KRI1: variants seen among roughly 807,000 people sequenced by gnomAD.
The protein encoded by KRI1 is protein KRI1 homolog.
In KRI1, 83 loss-of-function variants were observed where a neutral mutation model predicts 97.0. The observed-to-expected ratio is 0.86, with a 90% confidence interval of 0.72 to 1.03. The LOEUF (loss-of-function observed/expected upper bound fraction) is 1.03, where lower values mean the gene tolerates loss of function less well. Among genes scored for constraint, KRI1 ranks in the 50% least tolerant of loss-of-function variants. The probability of loss-of-function intolerance (pLI) is 0.00; values close to 1 mark genes in which losing one functional copy is unlikely to be tolerated. For missense variants in KRI1, 916 were observed against 928.4 expected (o/e 0.99, Z 0.17); for synonymous variants, 371 against 363.5 (o/e 1.02, Z -0.23).
chr19:10,565,811 G>GCA (rs570294642), intron 1 of KRI1, 21 bp from the exon 2 acceptor site: 2 of 1,522,912 alleles, frequency 1.3e-6, no homozygotes, highest in Non-Finnish European at 1.8e-6. Flanking sequence ...CAGACGGGAT[G>GCA]CCCCCCCCCA....
At position 10,565,325 on chromosome 19, in the gene KRI1, C is replaced by G. The variant is rs1172556885; in HGVS notation, c.169-291G>C. 5 of 540,868 alleles carry G rather than the reference C, an allele frequency of 9.2e-6. No individual in the cohort carries two copies. In the East Asian group the frequency reaches 1.3e-4, roughly 14 times the overall value. 33.5% of individuals were successfully genotyped at this position (540,868 alleles called of 1,614,324 possible). A position where few individuals can be genotyped will look rare whatever the true frequency, so the allele number is the denominator to read the frequency against. Reference sequence around the variant, plus strand: ...AGGTGGGCTGAGGGCACAAGAGAGACAGCGGGGAGGGGCTGGGCCAGGCCG... The same window carrying G: ...AGGTGGGCTGAGGGCACAAGAGAGAGAGCGGGGAGGGGCTGGGCCAGGCCG... On this transcript the variant is annotated intron_variant, in intron 2 of 18. Coordinates refer to ENST00000312962, the MANE Select transcript of KRI1 (RefSeq NM_023008.5).
chr19:10,560,128 T>G (rs1450095819), intron 9 of KRI1, among the ~76,000 whole-genome samples, 184 bp downstream of exon 9: 2 of 152,202 alleles, frequency 1.3e-5, no homozygotes, highest in African/African-American at 4.8e-5. Flanking sequence ...GAACCAGGAT[T>G]TGAGGCAGTG....
In KRI1 at chr19:10,561,749, C is replaced by A. The variant is rs747195478; in HGVS notation, c.439-33G>T. On this transcript the variant is annotated intron_variant, in intron 5 of 18. Transcript: ENST00000312962. Reference sequence around the variant, plus strand: ...GAGGGCCATAGGTCTCAGGCCAGCCCCAGGCCCCTCAGCCCCCCGACCCAG... The same window carrying A: ...GAGGGCCATAGGTCTCAGGCCAGCCACAGGCCCCTCAGCCCCCCGACCCAG... 1.2e-5 allele frequency: 20 copies of A among 1,613,964 alleles called. No individual in the cohort carries two copies. The East Asian group carries it at 3.8e-4, about 31-fold the overall frequency.
intron 18 of KRI1, among the ~76,000 whole-genome samples, chr19:10,554,758 G>C (rs753247399): frequency 6.6e-6 from 1 of 152,116 alleles, no homozygotes; most frequent in African/African-American, 2.4e-5. Flanking sequence ...CTGCCTTCTA[G>C]ACTGGGCGAA....
In KRI1 at chr19:10,553,117, G is replaced by A; in HGVS notation, c.*834C>T. 1 of 1,515,468 alleles carries A rather than the reference G, an allele frequency of 6.6e-7. No homozygotes were observed. The highest frequency in any genetic ancestry group is 8.8e-7 in the Non-Finnish European group (1 of 1,132,722). 93.9% of individuals were successfully genotyped at this position (1,515,468 alleles called of 1,614,324 possible). ...CAACACTATTTATTTTTTTATTTATGTCATGTCGGGTGTGGGATCTTGAGC... is the reference window on the plus strand; with the variant it reads ...CAACACTATTTATTTTTTTATTTATATCATGTCGGGTGTGGGATCTTGAGC... On this transcript the variant is annotated 3_prime_UTR_variant, in exon 19 of 19. Transcript: ENST00000312962.
chr19:10,554,302 C>A (rs1367682191), intron 18 of KRI1, 21 bp from the exon 19 acceptor site: 5 of 1,603,284 alleles, frequency 3.1e-6, no homozygotes, highest in Non-Finnish European at 4.3e-6. Flanking sequence ...AAAGTCAGGG[C>A]TCAGCCCAGG....
At chr19:10,557,217 G>A (rs1916528843) in intron 16 of KRI1, among the ~76,000 whole-genome samples, 1 of 148,466 alleles carries the variant, frequency 6.7e-6, no homozygotes, top group Non-Finnish European at 1.5e-5. Flanking sequence ...CGATTCTCCT[G>A]CCTCAGCCTC....
intron 18 of KRI1, 42 bp downstream of exon 18, chr19:10,555,045 G>T: frequency 1.3e-6 from 2 of 1,528,476 alleles, no homozygotes; most frequent in South Asian, 2.3e-5. Flanking sequence ...GCCTGGGCCT[G>T]ACAGGCTCCC....
chr19:10,556,601 A>G (rs1916506340), intron 16 of KRI1, among the ~76,000 whole-genome samples: 1 of 150,776 alleles, frequency 6.6e-6, no homozygotes, highest in Non-Finnish European at 1.5e-5. Context: ...TGGGAGGCGG[A>G]GTTTGCAGTG....
chr19:10,561,827 C>T lies in KRI1; in HGVS notation c.402G>A (p.Glu134=), dbSNP rs958218261. 1.2e-6 allele frequency: 2 copies of T among 1,613,964 alleles called. No homozygotes were observed. The change falls in exon 5 of 19, where the codon GAG becomes GAA. Residue 134 remains glutamate, a synonymous_variant. Transcript: ENST00000312962. ...LEKAGKYVDE[E]NSDGETSNHR... is the part of the protein sequence containing the mutation. ...GATTGGAAGTCTCCCCGTCTGAGTT[C>T]TCCTCATCAACATATTTGCTGTAAA...
intron 4 of KRI1, 54 bp from the exon 5 acceptor site, chr19:10,561,899 C>G: frequency 6.5e-7 from 1 of 1,531,088 alleles, no homozygotes; most frequent in Non-Finnish European, 9.0e-7. Flanking sequence ...CCGCCTGTCC[C>G]CATGCCCATG....
chr19:10,558,579 G>T (rs973060727), intron 12 of KRI1, among the ~76,000 whole-genome samples: 1 of 151,252 alleles, frequency 6.6e-6, no homozygotes, highest in African/African-American at 2.4e-5. Context: ...TTTCGCTCTT[G>T]TTGCCCAAGC....
Position 10,553,128 on chromosome 19 carries a change from TG to T in KRI1, c.*822del. ...ATTTTTTTATTTATGTCATGTCGGG[TG>T]TGGGATCTTGAGCTCTGGCAGTGAT... On this transcript the variant is annotated 3_prime_UTR_variant, in exon 19 of 19. Transcript: ENST00000312962. 6.7e-7 allele frequency: 1 copy of T among 1,492,024 alleles called. No individual in the cohort carries two copies. The highest frequency in any genetic ancestry group is 8.9e-7 in the Non-Finnish European group (1 of 1,120,828). 92.4% of individuals were successfully genotyped at this position (1,492,024 alleles called of 1,614,324 possible). A position where few individuals can be genotyped will look rare whatever the true frequency, so the allele number is the denominator to read the frequency against.
chr19:10,557,806 G>A lies in KRI1; in HGVS notation c.1449C>T (p.Ala483=), dbSNP rs374027467. 161 of 1,613,262 alleles carry A rather than the reference G, an allele frequency of 1.0e-4. 1 individual carries two copies. The highest frequency in any genetic ancestry group is 1.2e-4 in the Non-Finnish European group (143 of 1,179,932). The change falls in exon 15 of 19, where the codon GCC becomes GCT. Residue 483 remains alanine (A), a synonymous_variant. Coordinates refer to ENST00000312962, the MANE Select transcript of KRI1 (RefSeq NM_023008.5). ...CGGGCTTCTCCTGCCCCACGGCCGC[G>A]GCGAAGGGCGACTTGCGCTTCTTCT... ...TGKKKRKSPF[A]AAVGQEKPVF...
At chr19:10,565,332 G>A in intron 2 of KRI1, 1 of 539,992 alleles carries the variant, frequency 1.9e-6, no homozygotes, top group Admixed American at 3.5e-5. Context: ...AGACAGCGGG[G>A]AGGGGCTGGG....
chr19:10,562,833 C>G lies in KRI1; in HGVS notation c.279G>C (p.Ser93=), dbSNP rs774779450. 3.7e-6 allele frequency: 6 copies of G among 1,605,222 alleles called. No homozygotes were observed. The South Asian group carries it at 5.5e-5, about 15-fold the overall frequency. The part of the protein sequence containing the change: ...KDATFYNRTA[S]SSDSEEDPEA... Reference sequence around the variant, plus strand: ...CTGGGTCCTCCTCACTGTCTGATGACGATGCTGTTAACCCACCAAAGACAC... The same window carrying G: ...CTGGGTCCTCCTCACTGTCTGATGAGGATGCTGTTAACCCACCAAAGACAC... Residue 93 remains serine, a synonymous_variant, in exon 4 of 19, where the codon TCG becomes TCC. Coordinates refer to ENST00000312962, the MANE Select transcript of KRI1 (RefSeq NM_023008.5).
intron 3 of KRI1, among the ~76,000 whole-genome samples, chr19:10,564,224 G>A (rs1916788575): frequency 6.6e-6 from 1 of 151,992 alleles, no homozygotes; most frequent in Admixed American, 6.6e-5. Context: ...ACTTTGGGAG[G>A]CCAGGGTGGG....
At position 10,557,979 on chromosome 19, in the gene KRI1, T is replaced by G. The variant is rs779469057; in HGVS notation, c.1352A>C (p.Asn451Thr). ...SQQELHCEDP[N>T]FNMDADYDPS... ...TCAACCCGTGATACCTACGTTGAAG[T>G]TGGGGTCCTCACAGTGCAGCTCCTG... The change falls in exon 14 of 19, where the codon AAC becomes ACC. Residue 451 changes from asparagine (N) to threonine (T), a missense_variant. Physicochemically the swap from Asn to Thr is moderately conservative, Grantham distance 65. Coordinates refer to ENST00000312962, the MANE Select transcript of KRI1 (RefSeq NM_023008.5). 1.2e-6 allele frequency: 2 copies of G among 1,614,064 alleles called. No individual in the cohort carries two copies. The highest frequency in any genetic ancestry group is 2.7e-5 in the African/African-American group (2 of 75,040).
chr19:10,555,711 G>A (rs993220048), intron 16 of KRI1, among the ~76,000 whole-genome samples: 2 of 152,202 alleles, frequency 1.3e-5, no homozygotes, highest in African/African-American at 2.4e-5. Context: ...ATATGAAACT[G>A]TCATTCCCAG....
Sources: allele counts gnomAD v4.1 joint callset (sites outside exome capture counted in the v4.1 genomes callset), GRCh38; gene constraint gnomAD v4.1.1; transcripts MANE v1.5; gene names NCBI Gene and HGNC (gene_info 2026-07-23, HGNC 2026-07-21).